The following NDUFAF1 variants were observed in gnomAD, a reference collection of about 807,000 sequenced individuals.
NDUFAF1 encodes NADH:ubiquinone oxidoreductase complex assembly factor 1, also known as complex I intermediate-associated protein 30, mitochondrial.
Under a neutral mutation model 28.7 loss-of-function variants are expected in NDUFAF1, and 18 were observed. That is an observed-to-expected ratio of 0.63 (90% CI 0.43 to 0.93). NDUFAF1 has a LOEUF of 0.93. Ranked by LOEUF, NDUFAF1 falls within the 40% of genes least tolerant of loss-of-function variation. NDUFAF1 has a pLI of 0.00. For synonymous variants in NDUFAF1, 113 were observed against 139.7 expected, an observed-to-expected ratio of 0.81 and a Z score of 1.35; for missense variants, 404 against 398.3, an observed-to-expected ratio of 1.01 and a Z score of -0.12.
rs375783945 is a variant in NDUFAF1 at position 41,387,535 on chromosome 15, A to G, written c.893T>C (p.Ile298Thr). ...ATCAGTAAACACGCCAATAAAATCT[A>G]TCTCCAGGAAGAATGGACCATCCAC... is the stretch of plus-strand genomic sequence containing the variant. ...DKVDGPFFLE[I>T]DFIGVFTDPA... is the part of the protein sequence containing the mutation. Residue 298 changes from isoleucine to threonine, a missense_variant, in exon 5 of 5, where the codon ATA (isoleucine) becomes ACA (threonine). Physicochemically the swap from Ile to Thr is moderately conservative, Grantham distance 89. Coordinates refer to ENST00000260361, the MANE Select transcript of NDUFAF1 (RefSeq NM_016013.4). 31 of 1,612,672 alleles carry G rather than the reference A, an allele frequency of 1.9e-5. No homozygotes were observed. The East Asian group carries it at 3.8e-4, about 20-fold the overall frequency.
intron 1 of NDUFAF1, among the ~76,000 whole-genome samples, chr15:41,398,333 A>C (rs1193278906): frequency 1.3e-5 from 2 of 151,836 alleles, no homozygotes; most frequent in African/African-American, 4.8e-5. Flanking sequence ...CTCTACTAAA[A>C]ATAATCCAGG....
chr15:41,401,570 C>T (rs2050463899), intron 1 of NDUFAF1, among the ~76,000 whole-genome samples: 1 of 151,690 alleles, frequency 6.6e-6, no homozygotes, highest in African/African-American at 2.4e-5. Context: ...GGATTACAGG[C>T]GTGCGCCACC....
At chr15:41,389,769 TAA>T (rs2050295567) in intron 3 of NDUFAF1, among the ~76,000 whole-genome samples, 1 of 149,836 alleles carries the variant, frequency 6.7e-6, no homozygotes, top group Admixed American at 6.7e-5. Flanking sequence ...CTGTCTCAAA[TAA>T]GTAAATAAAT....
At chr15:41,401,009 C>T (rs991576667) in intron 1 of NDUFAF1, among the ~76,000 whole-genome samples, 42 of 150,182 alleles carry the variant, frequency 2.8e-4, no homozygotes, top group African/African-American at 9.3e-4. Context: ...TGCTCTGTCA[C>T]CAGGCTAGAG....
chr15:41,399,647 G>A (rs1348358907), intron 1 of NDUFAF1, among the ~76,000 whole-genome samples: 1 of 151,510 alleles, frequency 6.6e-6, no homozygotes, highest in Non-Finnish European at 1.5e-5. Flanking sequence ...GAGGTCAGGA[G>A]ATCGAGACCA....
chr15:41,393,901 G>T (rs1420088533), intron 3 of NDUFAF1, among the ~76,000 whole-genome samples: 1 of 149,710 alleles, frequency 6.7e-6, no homozygotes, highest in Non-Finnish European at 1.5e-5. Context: ...TAGAGATGGG[G>T]TTTTGCCATG....
Position 41,396,644 on chromosome 15 carries a change from G to C in NDUFAF1, c.416C>G (p.Thr139Ser). ...TCTGCCTCCAATCGTCTTATCAGAAGTCACTGTCCACTTATCCAAATCTTC... is the reference window on the plus strand; with the variant it reads ...TCTGCCTCCAATCGTCTTATCAGAACTCACTGTCCACTTATCCAAATCTTC... ...GKEDLDKWTV[T>S]SDKTIGGRSE... The change falls in exon 2 of 5, where the codon ACT (threonine) becomes AGT (serine). Residue 139 changes from threonine to serine, a missense_variant. Transcript: ENST00000260361. The C allele has an allele frequency of 6.2e-7, 1 of 1,614,098 alleles. No homozygotes were observed. Among genetic ancestry groups the C allele is most frequent in the South Asian group, 1.1e-5 (1 of 91,084 alleles).
intron 3 of NDUFAF1, among the ~76,000 whole-genome samples, chr15:41,389,249 A>ATTT (rs749169325): frequency 3.4e-5 from 4 of 117,126 alleles, no homozygotes; most frequent in South Asian, 2.7e-4. Context: ...CACCCGGCTA[A>ATTT]TTTTTTTTTT....
At chr15:41,395,333 C>T (rs1013342353) in intron 2 of NDUFAF1, among the ~76,000 whole-genome samples, 1 of 151,788 alleles carries the variant, frequency 6.6e-6, no homozygotes, top group Admixed American at 6.6e-5. Flanking sequence ...TTTACCTGGT[C>T]GTATGGAGCA....
At chr15:41,392,894 T>C (rs2140914524) in intron 3 of NDUFAF1, among the ~76,000 whole-genome samples, 1 of 152,126 alleles carries the variant, frequency 6.6e-6, no homozygotes, top group Middle Eastern at 3.4e-3. Context: ...AGGATTTTAG[T>C]GGGGCAAGAA....
At chr15:41,399,909 G>GGCACCTATAGGGTGGTGGCAA (rs1216868891) in intron 1 of NDUFAF1, among the ~76,000 whole-genome samples, 1 of 146,906 alleles carries the variant, frequency 6.8e-6, no homozygotes, top group African/African-American at 2.5e-5. Flanking sequence ...TGTGGTGACG[G>GGCACCTATAGGGTGGTGGCAA]GCACCTATAG....
At chr15:41,395,546 A>AT (rs1322375415) in intron 2 of NDUFAF1, among the ~76,000 whole-genome samples, 1 of 147,498 alleles carries the variant, frequency 6.8e-6, no homozygotes, top group East Asian at 2.0e-4. Flanking sequence ...ATTTTTTTGT[A>AT]TTTTTAGTAG....
chr15:41,400,686 C>CTTTT (rs2050450117), intron 1 of NDUFAF1, among the ~76,000 whole-genome samples: 2 of 93,768 alleles, frequency 2.1e-5, no homozygotes, highest in African/African-American at 4.7e-5. Flanking sequence ...CCATGCCCAG[C>CTTTT]TATTTTTTTT....
intron 3 of NDUFAF1, chr15:41,394,235 T>C: frequency 1.9e-6 from 1 of 535,202 alleles, no homozygotes; most frequent in South Asian, 1.5e-5. Context: ...GGTTTCTCCA[T>C]GTTGGTCAGG....
In NDUFAF1 at chr15:41,397,862, T is replaced by C. The variant is rs556116913; in HGVS notation, c.-81-722A>G. 4.1e-5 allele frequency among the ~76,000 whole-genome samples: 6 copies of C among 145,880 alleles called. No homozygotes were observed. The East Asian group carries it at 1.2e-3, about 30-fold the overall frequency. On this transcript the variant is annotated intron_variant, in intron 1 of 4. Coordinates refer to ENST00000260361, the MANE Select transcript of NDUFAF1 (RefSeq NM_016013.4). ...CAACATGGTGAAACCCCGTCTCTAC[T>C]AAAAATACAAAACTTAGCTGGGTGT...
intron 3 of NDUFAF1, among the ~76,000 whole-genome samples, chr15:41,392,691 C>T (rs555243746): frequency 7.9e-5 from 12 of 152,286 alleles, no homozygotes; most frequent in African/African-American, 2.2e-4. Flanking sequence ...CTCCCCAGCC[C>T]TGCAGAACTG....
At chr15:41,398,606 A>G (rs1021501197) in intron 1 of NDUFAF1, among the ~76,000 whole-genome samples, 2 of 152,032 alleles carry the variant, frequency 1.3e-5, no homozygotes, top group African/African-American at 4.8e-5. Context: ...CTCCCACCTC[A>G]GCCTCCAAGG....
rs769942661 is a variant in NDUFAF1, at chr15:41,396,583, T to G, written c.477A>C (p.Gln159His). Residue 159 changes from glutamine to histidine, a missense_variant, in exon 2 of 5, where the codon CAA (glutamine) becomes CAC (histidine). Transcript: ENST00000260361. The stretch of plus-strand genomic sequence containing the variant: ...TCAGAGTTCCATATAGCAGTGCACT[T>G]TGGTTATTCTTGCCCATTTTCAAAA... ...EVFLKMGKNN[Q>H]SALLYGTLSS... 8 of 1,614,096 alleles carry G rather than the reference T, an allele frequency of 5.0e-6. No homozygotes were observed. The highest frequency in any genetic ancestry group is 1.6e-4 in the Middle Eastern group (1 of 6,062).
At chr15:41,391,741 G>A (rs566198910) in intron 3 of NDUFAF1, among the ~76,000 whole-genome samples, 5 of 152,212 alleles carry the variant, frequency 3.3e-5, no homozygotes, top group African/African-American at 1.2e-4. Flanking sequence ...TAGGATGGTG[G>A]TGTTGAAATA....
Sources: allele counts gnomAD v4.1 joint callset (sites outside exome capture counted in the v4.1 genomes callset), GRCh38; gene constraint gnomAD v4.1.1; transcripts MANE v1.5; gene names NCBI Gene and HGNC (gene_info 2026-07-23, HGNC 2026-07-21).